Variants in ZBTB8OS observed in about 807,000 individuals in gnomAD.
The protein encoded by ZBTB8OS is tRNA splicing ligase complex subunit 1, also known as tRNA-splicing ligase-activating factor archease.
ZBTB8OS carries 16 observed loss-of-function variants against 29.3 expected under a neutral mutation model. The ratio of observed to expected loss-of-function variants is 0.55; its 90% CI spans 0.37 to 0.83. ZBTB8OS has a LOEUF of 0.83. ZBTB8OS is among the 40% of genes least tolerant of loss of function. The pLI is 0.00. For synonymous variants in ZBTB8OS, 70 were observed against 64.6 expected (o/e 1.08, Z -0.40); for missense variants, 160 against 196.9 (o/e 0.81, Z 1.12).
Position 32,634,782 on chromosome 1 carries a change from A to G in ZBTB8OS, c.108T>C (p.His36=), listed in dbSNP as rs1645828676. 3 of 1,613,224 alleles carry G rather than the reference A, an allele frequency of 1.9e-6. No homozygotes were observed. The highest frequency in any genetic ancestry group is 2.5e-6 in the Non-Finnish European group (3 of 1,179,146). ...GCTATACTCACTGGACATCTGCTGT[A>G]TGATCCAAATCTGAGGGACAGAGGG... The part of the protein sequence containing the change: ...PVNRKYEYLD[H]TADVQLHAWG... The change falls in exon 2 of 7, where the codon CAT becomes CAC. Residue 36 remains histidine (H), a synonymous_variant. Transcript: ENST00000468695.
chr1:32,621,611 A>G lies in ZBTB8OS; in HGVS notation c.*251T>C. ...CATGAGGCACACCTACTGCCACAGC[A>G]GAGAATCAAAGGACCATAACTGTCC... On this transcript the variant is annotated 3_prime_UTR_variant, in exon 7 of 7. Transcript: ENST00000468695. The G allele has an allele frequency of 2.3e-6, 1 of 431,234 alleles. No individual in the cohort carries two copies. Among genetic ancestry groups the G allele is most frequent in the Non-Finnish European group, 4.1e-6 (1 of 244,628 alleles). 26.7% of individuals were successfully genotyped at this position (431,234 alleles called of 1,614,324 possible).
At chr1:32,648,911 G>T (rs950587783) in intron 1 of ZBTB8OS, among the ~76,000 whole-genome samples, 1 of 138,344 alleles carries the variant, frequency 7.2e-6, no homozygotes, top group Non-Finnish European at 1.5e-5. Context: ...TGATCCACCC[G>T]CCTCAACCTC....
chr1:32,632,859 G>C (rs931758199), intron 4 of ZBTB8OS, among the ~76,000 whole-genome samples: 1 of 152,126 alleles, frequency 6.6e-6, no homozygotes, highest in Non-Finnish European at 1.5e-5. Context: ...ATATATGGTG[G>C]AGGAGGACGA....
upstream of ZBTB8OS, chr1:32,650,712 C>A (rs1647428170): frequency 1.9e-6 from 2 of 1,042,006 alleles, no homozygotes; most frequent in Admixed American, 2.5e-5. Context: ...ATTTAAAAAG[C>A]CAAAACCCCA....
At chr1:32,634,702 C>T in intron 2 of ZBTB8OS, 66 bp downstream of exon 2, 1 of 1,604,156 alleles carries the variant, frequency 6.2e-7, no homozygotes, top group Non-Finnish European at 8.5e-7. Context: ...ATAGGGATAC[C>T]AAGATTGAAA....
chr1:32,650,680 T>A, upstream of ZBTB8OS: 1 of 1,395,906 alleles, frequency 7.2e-7, no homozygotes, highest in Non-Finnish European at 9.8e-7. Context: ...CTTTAGTCCC[T>A]ACCCTGCCGC....
At chr1:32,643,380 T>C (rs448691) in intron 1 of ZBTB8OS, among the ~76,000 whole-genome samples, 95,642 of 140,694 alleles carry the variant, frequency 0.68, 33,987 homozygotes, top group Non-Finnish European at 0.8. Flanking sequence ...GCCTTTAGTT[T>C]TTGTTTTAGT....
intron 1 of ZBTB8OS, among the ~76,000 whole-genome samples, chr1:32,642,216 G>A (rs903427667): frequency 5.9e-5 from 9 of 151,822 alleles, no homozygotes; most frequent in Non-Finnish European, 1.3e-4. Context: ...ATTTTGAAAT[G>A]GCCAGGGCCG....
chr1:32,637,443 C>G (rs568322328), intron 1 of ZBTB8OS, among the ~76,000 whole-genome samples: 1 of 152,096 alleles, frequency 6.6e-6, no homozygotes, highest in South Asian at 2.1e-4. Context: ...TGGCACCCGC[C>G]TGTAGTCCCA....
rs965322721 is a variant in ZBTB8OS at position 32,620,858 on chromosome 1, A to G, written c.*1004T>C. The stretch of plus-strand genomic sequence containing the variant: ...CTCCTTTTATTCTCTAGTTATAAAC[A>G]TGTACTCACTTTCAAATAAAATTCT... On this transcript the variant is annotated 3_prime_UTR_variant, in exon 7 of 7. Coordinates refer to ENST00000468695, the MANE Select transcript of ZBTB8OS (RefSeq NM_178547.5). 2 of 149,524 alleles carry G rather than the reference A, an allele frequency of 1.3e-5. No individual in the cohort carries two copies. The highest frequency in any genetic ancestry group is 2.9e-5 in the Non-Finnish European group (2 of 68,010). 9.3% of individuals were successfully genotyped at this position (149,524 alleles called of 1,614,324 possible). A position where few individuals can be genotyped will look rare whatever the true frequency, so the allele number is the denominator to read the frequency against.
intron 1 of ZBTB8OS, among the ~76,000 whole-genome samples, chr1:32,647,113 C>T (rs901674569): frequency 1.3e-4 from 18 of 139,896 alleles, no homozygotes; most frequent in African/African-American, 4.2e-4. Context: ...CCCAGCACTT[C>T]GGAGGCCGAG....
intron 5 of ZBTB8OS, among the ~76,000 whole-genome samples, chr1:32,629,679 A>G (rs1435625135): frequency 1.3e-5 from 2 of 152,064 alleles, no homozygotes; most frequent in South Asian, 2.1e-4. Flanking sequence ...AACGTGGTAT[A>G]ATAGAAAGAG....
chr1:32,627,544 C>A lies in ZBTB8OS; in HGVS notation c.381G>T (p.Gly127=). 6.2e-7 allele frequency: 1 copy of A among 1,613,178 alleles called. No individual in the cohort carries two copies. Among genetic ancestry groups the A allele is most frequent in the Non-Finnish European group, 8.5e-7 (1 of 1,179,336 alleles). ...TGGACAATGAAAATTCTTCTCCCCA[C>A]CTTGAGAATACAAATTAAAACATGA... ...DQRNFKLRSI[G]WGEEFSLSKH... The change falls in exon 6 of 7, where the codon GGG becomes GGT. Residue 127 remains glycine, a splice_region_variant and synonymous_variant. Coordinates refer to ENST00000468695, the MANE Select transcript of ZBTB8OS (RefSeq NM_178547.5).
intron 5 of ZBTB8OS, among the ~76,000 whole-genome samples, chr1:32,631,204 A>T (rs1343078398): frequency 6.6e-6 from 1 of 151,602 alleles, no homozygotes; most frequent in East Asian, 2.0e-4. Flanking sequence ...GAAAACAAAA[A>T]AGTCAGCCAG....
At chr1:32,629,424 A>G (rs576494515) in intron 5 of ZBTB8OS, among the ~76,000 whole-genome samples, 1 of 150,458 alleles carries the variant, frequency 6.6e-6, no homozygotes, top group African/African-American at 2.5e-5. Context: ...TCAAAACAAA[A>G]ACAACAAAAA....
chr1:32,631,111 T>G (rs777811279), intron 5 of ZBTB8OS, among the ~76,000 whole-genome samples: 18 of 151,608 alleles, frequency 1.2e-4, no homozygotes, highest in Non-Finnish European at 2.5e-4. Context: ...ACCTCAGCAC[T>G]TTGGGAGGCA....
At chr1:32,626,920 A>T (rs2148319994) in intron 6 of ZBTB8OS, among the ~76,000 whole-genome samples, 1 of 152,348 alleles carries the variant, frequency 6.6e-6, no homozygotes, top group African/African-American at 2.4e-5. Context: ...TGAAAATGAT[A>T]AGAAATTCAA....
chr1:32,641,894 A>T (rs4951790), intron 1 of ZBTB8OS, among the ~76,000 whole-genome samples: 130,543 of 151,960 alleles, frequency 0.86, 57,712 homozygotes, highest in Non-Finnish European at 0.96. Context: ...GCACTCCAGC[A>T]CTCCAGCCTG....
chr1:32,627,560 TA>T lies in ZBTB8OS; in HGVS notation c.381-17del. 6.2e-7 allele frequency: 1 copy of T among 1,609,798 alleles called. No homozygotes were observed. The highest frequency in any genetic ancestry group is 8.5e-7 in the Non-Finnish European group (1 of 1,176,252). On this transcript the variant is annotated splice_polypyrimidine_tract_variant and intron_variant, in intron 5 of 6. Transcript: ENST00000468695. ...TTCTCCCCACCTTGAGAATACAAATTAAAACATGATTAAGATTTGTTCTCTC... is the reference window on the plus strand; with the variant it reads ...TTCTCCCCACCTTGAGAATACAAATTAAACATGATTAAGATTTGTTCTCTC...
Sources: allele counts gnomAD v4.1 joint callset (sites outside exome capture counted in the v4.1 genomes callset), GRCh38; gene constraint gnomAD v4.1.1; transcripts MANE v1.5; gene names NCBI Gene and HGNC (gene_info 2026-07-23, HGNC 2026-07-21).